The following FARP2 variants were observed in gnomAD, a reference collection of about 807,000 sequenced individuals.
The protein encoded by FARP2 is FERM, ARH/RhoGEF and pleckstrin domain protein 2.
In FARP2, 111 loss-of-function variants were observed where a neutral mutation model predicts 130.5. The ratio of observed to expected loss-of-function variants is 0.85; its 90% CI spans 0.73 to 1.00. The LOEUF is 1.00. Ranked by LOEUF, FARP2 falls within the 50% of genes least tolerant of loss-of-function variation. The pLI, the probability that FARP2 is intolerant of heterozygous loss-of-function variation, is 0.00. For missense variants in FARP2, 1,385 were observed against 1,346.3 expected (o/e 1.03, Z -0.45); for synonymous variants, 504 against 516.9 (o/e 0.98, Z 0.34).
chr2:241,455,954 A>G (rs183509400), intron 13 of FARP2, among the ~76,000 whole-genome samples: 109 of 152,070 alleles, frequency 7.2e-4, no homozygotes, highest in African/African-American at 1.8e-3. Context: ...TTAGCGAGGT[A>G]AAGTTATCTT....
chr2:241,367,609 A>G (rs1183497298), intron 1 of FARP2, among the ~76,000 whole-genome samples: 1 of 152,110 alleles, frequency 6.6e-6, no homozygotes. Context: ...TATTAAGTTC[A>G]TATTCTGGTT....
At chr2:241,435,424 T>G (rs1158872850) in intron 11 of FARP2, among the ~76,000 whole-genome samples, 1 of 151,884 alleles carries the variant, frequency 6.6e-6, no homozygotes, top group Non-Finnish European at 1.5e-5. Context: ...ATATTAATCT[T>G]TACTTGACTG....
chr2:241,462,569 C>T lies in FARP2; in HGVS notation c.1634C>T (p.Ala545Val), dbSNP rs1559794971. 6.2e-7 allele frequency: 1 copy of T among 1,613,844 alleles called. No individual in the cohort carries two copies. The highest frequency in any genetic ancestry group is 1.7e-5 in the Admixed American group (1 of 60,008). ...EAYFIVKEIL[A>V]TERTYLKDLE... Reference sequence around the variant, plus strand: ...TACTTCATAGTCAAAGAGATTCTCGCTACAGAACGAACATACCTCAAGGAT... The same window carrying T: ...TACTTCATAGTCAAAGAGATTCTCGTTACAGAACGAACATACCTCAAGGAT... The change falls in exon 15 of 27, where the codon GCT (alanine) becomes GTT (valine). Residue 545 changes from alanine to valine, a missense_variant. Transcript: ENST00000264042.
chr2:241,465,768 C>G (rs2064153369), intron 17 of FARP2: 1 of 1,550,524 alleles, frequency 6.4e-7, no homozygotes, highest in South Asian at 1.2e-5. Flanking sequence ...CTCAAGCTCC[C>G]CCTCCTCCAT....
chr2:241,456,564 A>T, intron 13 of FARP2, 183 bp from the exon 14 acceptor site: 2 of 627,698 alleles, frequency 3.2e-6, no homozygotes, highest in Non-Finnish European at 5.7e-6. Context: ...ATCAACCCTC[A>T]TTTTCATTTT....
intron 19 of FARP2, chr2:241,478,554 C>G (rs1574901925): frequency 2.2e-6 from 1 of 454,074 alleles, no homozygotes; most frequent in Non-Finnish European, 4.5e-6. Context: ...GAAACTGTTG[C>G]CTATTTAATG....
At chr2:241,362,476 C>T (rs2061210942) in intron 1 of FARP2, among the ~76,000 whole-genome samples, 2 of 151,996 alleles carry the variant, frequency 1.3e-5, no homozygotes, top group Admixed American at 6.5e-5. Flanking sequence ...GTGGCGGGCG[C>T]CTGTGATCCC....
chr2:241,376,047 G>A (rs1487958320), intron 2 of FARP2, among the ~76,000 whole-genome samples: 1 of 152,150 alleles, frequency 6.6e-6, no homozygotes, highest in African/African-American at 2.4e-5. Context: ...TCCCAAACAT[G>A]GAGCTTAAAT....
chr2:241,477,465 G>C (rs888426253), intron 19 of FARP2, among the ~76,000 whole-genome samples: 4 of 152,118 alleles, frequency 2.6e-5, no homozygotes, highest in African/African-American at 9.7e-5. Context: ...ACTCCATCAT[G>C]CATGTATCAC....
intron 7 of FARP2, 62 bp from the exon 8 acceptor site, chr2:241,417,900 C>A: frequency 6.4e-7 from 1 of 1,561,314 alleles, no homozygotes; most frequent in Non-Finnish European, 8.8e-7. Context: ...TTCTATAATG[C>A]ATTTTGGCTC....
chr2:241,409,172 C>T (rs563338952), intron 5 of FARP2, among the ~76,000 whole-genome samples: 19 of 151,692 alleles, frequency 1.3e-4, no homozygotes, highest in Non-Finnish European at 2.8e-4. Context: ...TATAGTTACT[C>T]CCTTCTCCCC....
chr2:241,456,642 G>T, intron 13 of FARP2, 105 bp from the exon 14 acceptor site: 1 of 1,076,682 alleles, frequency 9.3e-7, no homozygotes, highest in Non-Finnish European at 1.4e-6. Flanking sequence ...GCCTGGCACT[G>T]TGTGAGGCTG....
chr2:241,456,755 A>G lies in FARP2; in HGVS notation c.1420A>G (p.Thr474Ala), dbSNP rs779699364. 5 of 1,613,804 alleles carry G rather than the reference A, an allele frequency of 3.1e-6. No homozygotes were observed. The South Asian group carries it at 4.4e-5, about 14-fold the overall frequency. ...TCCCCGTTCATTTCCAGGCCTTTCCACGAAGAGTCCTCAGCCTTCTCCCTC... is the reference window on the plus strand; with the variant it reads ...TCCCCGTTCATTTCCAGGCCTTTCCGCGAAGAGTCCTCAGCCTTCTCCCTC... ...PALQPGPGLS[T>A]KSPQPSPSSR... Residue 474 changes from threonine to alanine, a missense_variant, in exon 14 of 27, where the codon ACG becomes GCG. Thr to Ala is a moderately conservative substitution (Grantham distance 58). Coordinates refer to ENST00000264042, the MANE Select transcript of FARP2 (RefSeq NM_014808.4).
chr2:241,363,866 A>G (rs901966285), intron 1 of FARP2, among the ~76,000 whole-genome samples: 4 of 152,244 alleles, frequency 2.6e-5, no homozygotes, highest in Admixed American at 6.5e-5. Flanking sequence ...TGTCCAGGAT[A>G]CAATGCAAAA....
intron 2 of FARP2, among the ~76,000 whole-genome samples, chr2:241,380,554 A>G (rs2061637624): frequency 6.6e-6 from 1 of 152,094 alleles, no homozygotes; most frequent in Non-Finnish European, 1.5e-5. Flanking sequence ...CATTATGCTT[A>G]TTAGTCAAGC....
At chr2:241,368,553 G>A (rs921762529) in intron 1 of FARP2, among the ~76,000 whole-genome samples, 2 of 152,098 alleles carry the variant, frequency 1.3e-5, no homozygotes, top group African/African-American at 4.8e-5. Flanking sequence ...TCAGCCTCCC[G>A]AGTAGCTGGG....
intron 26 of FARP2, 148 bp downstream of exon 26, chr2:241,493,592 GC>G: frequency 1.5e-6 from 1 of 654,212 alleles, no homozygotes; most frequent in Non-Finnish European, 2.5e-6. Flanking sequence ...AAACAGCAAT[GC>G]TTTGTTTTTT....
chr2:241,432,935 A>G lies in FARP2; in HGVS notation c.867+1161A>G, dbSNP rs1355030210. On this transcript the variant is annotated intron_variant, in intron 9 of 26. Coordinates refer to ENST00000264042, the MANE Select transcript of FARP2 (RefSeq NM_014808.4). ...GAAGAAAAGCTTTGCCTACGCCTTT[A>G]AAAGGCACTTGAGTAGTAGGGCTTT... is the stretch of plus-strand genomic sequence containing the variant. Among the ~76,000 whole-genome samples the G allele has an allele frequency of 4.6e-5, 7 of 152,222 alleles. No individual in the cohort carries two copies. The South Asian group carries it at 1.2e-3, about 27-fold the overall frequency.
intron 2 of FARP2, among the ~76,000 whole-genome samples, chr2:241,396,171 A>G (rs1045411590): frequency 3.9e-5 from 6 of 152,054 alleles, no homozygotes; most frequent in African/African-American, 1.2e-4. Flanking sequence ...TACACCTTAT[A>G]CAAAAATTAA....
Sources: allele counts gnomAD v4.1 joint callset (sites outside exome capture counted in the v4.1 genomes callset), GRCh38; gene constraint gnomAD v4.1.1; transcripts MANE v1.5; gene names NCBI Gene and HGNC (gene_info 2026-07-23, HGNC 2026-07-21).